The following CPEB2 variants were observed in gnomAD, a reference collection of about 807,000 sequenced individuals.
The protein encoded by CPEB2 is cytoplasmic polyadenylation element binding protein 2.
Under a neutral mutation model 93.6 loss-of-function variants are expected in CPEB2, and 56 were observed. The observed-to-expected ratio is 0.60, with a 90% CI of 0.48 to 0.75. The LOEUF (loss-of-function observed/expected upper bound fraction) is 0.75, where lower values mean the gene tolerates loss of function less well. Ranked by LOEUF, CPEB2 falls within the 30% of genes least tolerant of loss-of-function variation. The pLI is 0.00. For synonymous variants in CPEB2, 764 were observed against 586.3 expected (o/e 1.30, Z -4.38); for missense variants, 1,579 against 1,395.1 (o/e 1.13, Z -2.10).
intron 4 of CPEB2, among the ~76,000 whole-genome samples, chr4:15,020,764 C>T (rs770464598): frequency 6.6e-6 from 1 of 152,118 alleles, no homozygotes; most frequent in Non-Finnish European, 1.5e-5. Flanking sequence ...CGGAGACAGA[C>T]ATAGTGTCTG....
rs1577342384 is a variant in CPEB2, at chr4:15,002,646, T to A, written c.-28T>A. ...TAGGTGGGGCAGGGGACGAGGAGCGTCTCCTCCCGCTGCCGGCGGCCTGAT... is the reference window on the plus strand; with the variant it reads ...TAGGTGGGGCAGGGGACGAGGAGCGACTCCTCCCGCTGCCGGCGGCCTGAT... On this transcript the variant is annotated 5_prime_UTR_variant, in exon 1 of 12. Coordinates refer to ENST00000538197, the MANE Select transcript of CPEB2 (RefSeq NM_001177382.2). The A allele has an allele frequency of 1.4e-6, 2 of 1,473,218 alleles. No individual in the cohort carries two copies. Among genetic ancestry groups the A allele is most frequent in the East Asian group, 5.2e-5 (2 of 38,500 alleles). The allele number at this position is 1,473,218 out of a possible 1,614,324, so 91.3% of individuals were successfully genotyped here.
chr4:15,028,856 T>C (rs1369641361), intron 4 of CPEB2, among the ~76,000 whole-genome samples: 2 of 152,196 alleles, frequency 1.3e-5, no homozygotes, highest in Admixed American at 6.5e-5. Flanking sequence ...GTTCCAAATG[T>C]AATCTGGTAA....
rs1277589051 is a variant in CPEB2 at position 15,003,263 on chromosome 4, C to T, written c.590C>T (p.Pro197Leu). ...LPHPPDSKPP[P>L]PPPPLHCPGR... is the part of the protein sequence containing the mutation. Reference sequence around the variant, plus strand: ...CACCCTCCGGACTCGAAGCCGCCGCCGCCGCCTCCGCCGCTCCACTGCCCC... The same window carrying T: ...CACCCTCCGGACTCGAAGCCGCCGCTGCCGCCTCCGCCGCTCCACTGCCCC... Residue 197 changes from proline (P) to leucine (L), a missense_variant, in exon 1 of 12, where the codon CCG becomes CTG. Pro to Leu is a moderately conservative substitution (Grantham distance 98). Coordinates refer to ENST00000538197, the MANE Select transcript of CPEB2 (RefSeq NM_001177382.2). 3 of 1,523,946 alleles carry T rather than the reference C, an allele frequency of 2.0e-6. No individual in the cohort carries two copies. The highest frequency in any genetic ancestry group is 1.8e-6 in the Non-Finnish European group (2 of 1,141,468). 94.4% of individuals were successfully genotyped at this position (1,523,946 alleles called of 1,614,324 possible). A position where few individuals can be genotyped will look rare whatever the true frequency, so the allele number is the denominator to read the frequency against.
intron 2 of CPEB2, 104 bp downstream of exon 2, chr4:15,007,690 A>G: frequency 3.0e-6 from 2 of 667,432 alleles, no homozygotes; most frequent in Non-Finnish European, 2.2e-6. Context: ...TTTTTGAAAT[A>G]AAGTTTTAAT....
At chr4:15,006,518 T>G (rs1007056737) in intron 1 of CPEB2, 1 of 152,254 alleles carries the variant, frequency 6.6e-6, no homozygotes, top group East Asian at 1.9e-4. Context: ...GAGATTAGGA[T>G]GTAATTTACT....
chr4:15,003,746 G>C lies in CPEB2; in HGVS notation c.1073G>C (p.Gly358Ala), dbSNP rs1467961561. 1.6e-6 allele frequency: 2 copies of C among 1,275,468 alleles called. No individual in the cohort carries two copies. The highest frequency in any genetic ancestry group is 2.0e-6 in the Non-Finnish European group (2 of 1,017,140). The allele number at this position is 1,275,468 out of a possible 1,614,324, so 79.0% of individuals were successfully genotyped here. A position where few individuals can be genotyped will look rare whatever the true frequency, so the allele number is the denominator to read the frequency against. Residue 358 changes from glycine to alanine, a missense_variant, in exon 1 of 12, where the codon GGC (glycine) becomes GCC (alanine). This residue lies in a region of CPEB2 where 1,411 missense variants were observed against 1,056.0 expected (regional missense o/e 1.34). Transcript: ENST00000538197. The part of the protein sequence containing the change: ...PHPGGGGGGG[G>A]GGPPGGGGGG... ...CCGGGCGGCGGCGGCGGCGGCGGGG[G>C]CGGGGGGCCCCCAGGAGGCGGAGGG... is the stretch of plus-strand genomic sequence containing the variant.
intron 6 of CPEB2, among the ~76,000 whole-genome samples, chr4:15,042,306 G>C (rs555472875): frequency 6.6e-6 from 1 of 152,162 alleles, no homozygotes; most frequent in South Asian, 2.1e-4. Flanking sequence ...CTTCATCTCA[G>C]TTCAATAATT....
rs1728892125 is a variant in CPEB2 at position 15,058,311 on chromosome 4, T to C, written c.2462-110T>C. On this transcript the variant is annotated intron_variant, in intron 8 of 11. Transcript: ENST00000538197. ...GAAGGTAAATGGTTTTTCATCCTAT[T>C]TGATAGTTTGTTTTTTTTTTTCAAA... 5 of 673,562 alleles carry C rather than the reference T, an allele frequency of 7.4e-6. No individual in the cohort carries two copies. The Admixed American group carries it at 1.2e-4, about 16-fold the overall frequency. 41.7% of individuals were successfully genotyped at this position (673,562 alleles called of 1,614,324 possible).
intron 6 of CPEB2, among the ~76,000 whole-genome samples, chr4:15,051,284 A>G (rs1332451757): frequency 6.6e-6 from 1 of 152,126 alleles, no homozygotes; most frequent in Non-Finnish European, 1.5e-5. Context: ...TTCACCACCT[A>G]CTAAATGTCT....
intron 4 of CPEB2, among the ~76,000 whole-genome samples, chr4:15,021,484 C>T (rs1724807867): frequency 6.6e-6 from 1 of 151,994 alleles, no homozygotes; most frequent in Admixed American, 6.6e-5. Context: ...CTTTTCCTTC[C>T]CTGCCCCCAA....
chr4:15,006,855 C>G lies in CPEB2; in HGVS notation c.1663-450C>G, dbSNP rs551187923. ...GCAACTTGTTTTGGAAACATAAAGT[C>G]TATATATTTCACTTGTATGAGTAGG... On this transcript the variant is annotated intron_variant, in intron 1 of 11. Transcript: ENST00000538197. Among the ~76,000 whole-genome samples the G allele has an allele frequency of 2.0e-5, 3 of 152,216 alleles. No homozygotes were observed. In the South Asian group the frequency reaches 6.2e-4, roughly 32 times the overall value.
At chr4:15,048,286 T>C (rs961110068) in intron 6 of CPEB2, among the ~76,000 whole-genome samples, 11 of 152,024 alleles carry the variant, frequency 7.2e-5, no homozygotes. Flanking sequence ...TTGTATAAAA[T>C]TGCCATTTTT....
intron 5 of CPEB2, among the ~76,000 whole-genome samples, chr4:15,038,791 A>G (rs1398393477): frequency 2.0e-5 from 3 of 151,650 alleles, no homozygotes; most frequent in Non-Finnish European, 4.4e-5. Flanking sequence ...GTTTCACCAT[A>G]TTGGTCAGGC....
chr4:15,037,794 A>G (rs767851000), intron 5 of CPEB2, among the ~76,000 whole-genome samples: 70 of 152,312 alleles, frequency 4.6e-4, no homozygotes, highest in African/African-American at 1.2e-3. Context: ...CTTCATTTTT[A>G]TACAAGTTTT....
Position 15,053,620 on chromosome 4 carries a change from G to GT in CPEB2, c.2372-507dup, listed in dbSNP as rs1340607641. Among the ~76,000 whole-genome samples, 4 of 152,174 alleles carry GT rather than the reference G, an allele frequency of 2.6e-5. No individual in the cohort carries two copies. The East Asian group carries it at 7.7e-4, about 29-fold the overall frequency. On this transcript the variant is annotated intron_variant, in intron 7 of 11. Coordinates refer to ENST00000538197, the MANE Select transcript of CPEB2 (RefSeq NM_001177382.2). ...TAAGCTTTCTATGTAATGAAATAACGTAAGACATAGCAATTGGATGTAACC... is the reference window on the plus strand; with the variant it reads ...TAAGCTTTCTATGTAATGAAATAACGTTAAGACATAGCAATTGGATGTAACC...
chr4:15,049,465 GT>G (rs764105875), intron 6 of CPEB2, among the ~76,000 whole-genome samples: 115 of 151,964 alleles, frequency 7.6e-4, no homozygotes, highest in Non-Finnish European at 1.4e-3. Context: ...CCTTAAAATC[GT>G]TTGTATGTAT....
Position 15,004,255 on chromosome 4 carries a change from G to T in CPEB2, c.1582G>T (p.Val528Phe). 6.7e-7 allele frequency: 1 copy of T among 1,493,094 alleles called. No individual in the cohort carries two copies. The highest frequency in any genetic ancestry group is 8.9e-7 in the Non-Finnish European group (1 of 1,128,418). 92.5% of individuals were successfully genotyped at this position (1,493,094 alleles called of 1,614,324 possible). Residue 528 changes from valine to phenylalanine, a missense_variant, in exon 1 of 12, where the codon GTC becomes TTC. This residue lies in a region of CPEB2 where 1,411 missense variants were observed against 1,056.0 expected (regional missense o/e 1.34). Coordinates refer to ENST00000538197, the MANE Select transcript of CPEB2 (RefSeq NM_001177382.2). Reference sequence around the variant, plus strand: ...GCAGCCGCAGAGCCGGAGGTCGCCCGTCAGCCCGCAGCTCCAGCAGCAGCA... The same window carrying T: ...GCAGCCGCAGAGCCGGAGGTCGCCCTTCAGCCCGCAGCTCCAGCAGCAGCA... The part of the protein sequence containing the change: ...PQQPQSRRSP[V>F]SPQLQQQHQA...
chr4:15,012,163 C>G (rs1359484624), intron 3 of CPEB2, among the ~76,000 whole-genome samples: 1 of 152,202 alleles, frequency 6.6e-6, no homozygotes, highest in African/African-American at 2.4e-5. Flanking sequence ...TCATAGTCAT[C>G]AAACTGTTAC....
Position 15,002,632 on chromosome 4 carries a change from G to A in CPEB2, c.-42G>A. On this transcript the variant is annotated 5_prime_UTR_variant, in exon 1 of 12. Coordinates refer to ENST00000538197, the MANE Select transcript of CPEB2 (RefSeq NM_001177382.2). ...CGCCGGCGGCTTCCTAGGTGGGGCA[G>A]GGGACGAGGAGCGTCTCCTCCCGCT... is the stretch of plus-strand genomic sequence containing the variant. The A allele has an allele frequency of 3.5e-6, 5 of 1,446,758 alleles. No homozygotes were observed. Among genetic ancestry groups the A allele is most frequent in the Non-Finnish European group, 4.6e-6 (5 of 1,096,790 alleles). 89.6% of individuals were successfully genotyped at this position (1,446,758 alleles called of 1,614,324 possible). A position where few individuals can be genotyped will look rare whatever the true frequency, so the allele number is the denominator to read the frequency against.
Sources: allele counts gnomAD v4.1 joint callset (sites outside exome capture counted in the v4.1 genomes callset), GRCh38; gene constraint gnomAD v4.1.1; regional missense constraint gnomAD v4.1.1; transcripts MANE v1.5; gene names NCBI Gene and HGNC (gene_info 2026-07-23, HGNC 2026-07-21).